Variants in KCTD18 observed in about 807,000 individuals in gnomAD.
KCTD18 encodes BTB/POZ domain-containing protein KCTD18.
In KCTD18, 22 loss-of-function variants were observed where a neutral mutation model predicts 30.4. That is an observed-to-expected ratio of 0.72 (90% CI 0.52 to 1.03). The LOEUF is 1.03. Among genes scored for constraint, KCTD18 ranks in the 50% least tolerant of loss-of-function variants. The pLI is 0.00. For missense variants in KCTD18, 529 were observed against 547.6 expected (o/e 0.97, Z 0.34); for synonymous variants, 186 against 209.0 (o/e 0.89, Z 0.95).
At chr2:200,504,050 C>T (rs2106283720) in intron 3 of KCTD18, among the ~76,000 whole-genome samples, 1 of 152,296 alleles carries the variant, frequency 6.6e-6, no homozygotes, top group South Asian at 2.1e-4. Flanking sequence ...AACTACTACA[C>T]TTACTAAATC....
intron 5 of KCTD18, among the ~76,000 whole-genome samples, chr2:200,495,674 C>T (rs6435053): frequency 0.96 from 146,581 of 152,092 alleles, 70,693 homozygotes; most frequent in Non-Finnish European, 0.98. Context: ...CACGTGTTTA[C>T]TTCTTTTTCT....
Position 200,490,264 on chromosome 2 carries a change from G to GT in KCTD18, c.1116dup (p.Pro373ThrfsTer47). The GT allele has an allele frequency of 6.2e-7, 1 of 1,614,264 alleles. No individual in the cohort carries two copies. The highest frequency in any genetic ancestry group is 8.5e-7 in the Non-Finnish European group (1 of 1,180,048). On this transcript the variant is annotated frameshift_variant, in exon 7 of 7. Transcript: ENST00000359878. LOFTEE classifies it low-confidence loss of function (END_TRUNC). ...CTCTTCAGCTTTATCACCCGCTGGG[G>GT]TGTAGGCTTCTTGTCGGAGAGTAGC...
intron 2 of KCTD18, among the ~76,000 whole-genome samples, chr2:200,505,248 A>G (rs1489877095): frequency 6.6e-6 from 1 of 152,218 alleles, no homozygotes; most frequent in African/African-American, 2.4e-5. Flanking sequence ...TACTGCACAT[A>G]AGTTTGAATG....
Position 200,490,485 on chromosome 2 carries a change from GGA to G in KCTD18, c.894_895del (p.Pro299SerfsTer19), listed in dbSNP as rs2087897111. On this transcript the variant is annotated frameshift_variant, in exon 7 of 7. Coordinates refer to ENST00000359878, the MANE Select transcript of KCTD18 (RefSeq NM_152387.4). LOFTEE classifies it low-confidence loss of function (END_TRUNC). ...AGCCGACGTCTGGATGGCACTGGCTGGAGACACCGTGACTGAGGCCGAGTTCT... is the reference window on the plus strand; with the variant it reads ...AGCCGACGTCTGGATGGCACTGGCTGGACACCGTGACTGAGGCCGAGTTCT... 6.2e-7 allele frequency: 1 copy of G among 1,612,452 alleles called. No homozygotes were observed. The highest frequency in any genetic ancestry group is 8.5e-7 in the Non-Finnish European group (1 of 1,180,028).
At chr2:200,495,911 T>C (rs1195391808) in intron 5 of KCTD18, 3 of 152,166 alleles carry the variant, frequency 2.0e-5, no homozygotes, top group African/African-American at 4.8e-5. Flanking sequence ...TGTTCCATTA[T>C]TGGAACACTA....
chr2:200,505,636 A>T (rs2030145604), intron 2 of KCTD18, among the ~76,000 whole-genome samples: 1 of 152,176 alleles, frequency 6.6e-6, no homozygotes, highest in Admixed American at 6.5e-5. Context: ...GAACAGGTAT[A>T]TGGAGGTTCT....
chr2:200,489,906 G>A lies in KCTD18; in HGVS notation c.*194C>T. Reference sequence around the variant, plus strand: ...CCCATAGACAATCATATAAAAGTTGGGAAAATGAGAAATGGAGCCTTAACC... The same window carrying A: ...CCCATAGACAATCATATAAAAGTTGAGAAAATGAGAAATGGAGCCTTAACC... On this transcript the variant is annotated 3_prime_UTR_variant, in exon 7 of 7. Transcript: ENST00000359878. 1.8e-6 allele frequency: 1 copy of A among 560,922 alleles called. No individual in the cohort carries two copies. The highest frequency in any genetic ancestry group is 3.0e-6 in the Non-Finnish European group (1 of 333,370). The allele number at this position is 560,922 out of a possible 1,614,324, so 34.7% of individuals were successfully genotyped here.
At chr2:200,502,152 G>T (rs2088096695) in intron 3 of KCTD18, among the ~76,000 whole-genome samples, 2 of 152,034 alleles carry the variant, frequency 1.3e-5, no homozygotes, top group Non-Finnish European at 2.9e-5. Context: ...TGGGGGTAGG[G>T]GGGAGGGATA....
At position 200,490,374 on chromosome 2, in the gene KCTD18, C is replaced by T; in HGVS notation, c.1007G>A (p.Gly336Asp). Reference protein sequence around the residue: ...SAPSRATALVGTGAPGHPQAS... With the variant: ...SAPSRATALVDTGAPGHPQAS... ...CTGAGGATGCCCAGGTGCCCCCGTG[C>T]CCACCAGGGCCGTGGCTCTGGAAGG... Residue 336 changes from glycine (G) to aspartate (D), a missense_variant, in exon 7 of 7, where the codon GGC (glycine) becomes GAC (aspartate). Transcript: ENST00000359878. The T allele has an allele frequency of 6.2e-7, 1 of 1,614,218 alleles. No homozygotes were observed. Among genetic ancestry groups the T allele is most frequent in the Non-Finnish European group, 8.5e-7 (1 of 1,180,024 alleles).
chr2:200,491,091 C>T (rs1239758918), intron 6 of KCTD18, among the ~76,000 whole-genome samples: 1 of 152,178 alleles, frequency 6.6e-6, no homozygotes, highest in East Asian at 1.9e-4. Flanking sequence ...ATGTGATCCC[C>T]AATGTTGGAG....
intron 5 of KCTD18, chr2:200,496,617 C>T (rs1559182873): frequency 1.3e-5 from 2 of 152,252 alleles, no homozygotes; most frequent in African/African-American, 2.4e-5. Flanking sequence ...ACCTCAGCCT[C>T]TCAAGTAGCT....
At chr2:200,497,933 A>T in intron 4 of KCTD18, 86 bp from the exon 5 acceptor site, 1 of 937,234 alleles carries the variant, frequency 1.1e-6, no homozygotes, top group Admixed American at 2.0e-5. Context: ...ATTTAATAAG[A>T]GCTTGTTAAT....
chr2:200,498,149 G>A (rs572183567), intron 4 of KCTD18, among the ~76,000 whole-genome samples: 8 of 151,780 alleles, frequency 5.3e-5, no homozygotes, highest in African/African-American at 1.2e-4. Context: ...AAAAATCAGC[G>A]AACTCCAATG....
In KCTD18 at chr2:200,490,225, C is replaced by T. The variant is rs200313964; in HGVS notation, c.1156G>A (p.Ala386Thr). 2.9e-4 allele frequency: 464 copies of T among 1,613,004 alleles called. No individual in the cohort carries two copies. The Middle Eastern group carries it at 3.0e-3, about 10-fold the overall frequency. Residue 386 changes from alanine to threonine, a missense_variant, in exon 7 of 7, where the codon GCC (alanine) becomes ACC (threonine). Physicochemically the swap from Ala to Thr is moderately conservative, Grantham distance 58 (BLOSUM62 0). Transcript: ENST00000359878. ...GGGGAGGGCAGGCAAGGCGCGGTGG[C>T]GCACAGCGGAGTCCTCTTCAGCTTT... ...VIKLKRTPLCATAPCLPSPTA... is the reference protein window; with the variant it reads ...VIKLKRTPLCTTAPCLPSPTA...
intron 2 of KCTD18, among the ~76,000 whole-genome samples, chr2:200,505,809 TA>T (rs2030157301): frequency 6.6e-6 from 1 of 151,584 alleles, no homozygotes; most frequent in Non-Finnish European, 1.5e-5. Flanking sequence ...GAAGAAACAC[TA>T]TGCTGGTACT....
intron 5 of KCTD18, 40 bp downstream of exon 5, chr2:200,497,713 A>C: frequency 7.5e-7 from 1 of 1,326,034 alleles, no homozygotes; most frequent in Non-Finnish European, 1.1e-6. Flanking sequence ...TTTTTTTTAA[A>C]GTCCACCTGC....
chr2:200,490,645 A>G lies in KCTD18; in HGVS notation c.765-29T>C, dbSNP rs774866286. ...GAAATACAGAAGCGTGTCATTTTCC[A>G]CATGTATAGTTTTAGTAACTCATGA... On this transcript the variant is annotated intron_variant, in intron 6 of 6. Transcript: ENST00000359878. The G allele has an allele frequency of 4.5e-6, 7 of 1,548,034 alleles. No homozygotes were observed. In the African/African-American group the frequency reaches 9.6e-5, roughly 21 times the overall value.
chr2:200,492,590 C>T (rs1393440521), intron 6 of KCTD18, among the ~76,000 whole-genome samples: 2 of 152,082 alleles, frequency 1.3e-5, no homozygotes, highest in Non-Finnish European at 2.9e-5. Context: ...AATTGTAGAA[C>T]ATGTGATCAA....
chr2:200,499,345 G>T (rs912059240), intron 3 of KCTD18, among the ~76,000 whole-genome samples: 32 of 151,856 alleles, frequency 2.1e-4, no homozygotes, highest in Admixed American at 1.0e-3. Context: ...TTTTCCACAT[G>T]GAAATTCCAT....
Sources: gnomAD v4.1 joint callset for allele counts (sites outside exome capture counted in the v4.1 genomes callset) on GRCh38, gnomAD v4.1.1 for gene constraint, MANE v1.5 for transcripts, NCBI Gene and HGNC (gene_info 2026-07-23, HGNC 2026-07-21) for gene names.